WDR27: variants seen among roughly 807,000 people sequenced by gnomAD.
WDR27 encodes WD repeat-containing protein 27.
WDR27 carries 100 observed loss-of-function variants against 114.4 expected under a neutral mutation model. The ratio of observed to expected loss-of-function variants is 0.87; its 90% CI spans 0.74 to 1.03. The LOEUF is 1.03. Among genes scored for constraint, WDR27 ranks in the 50% least tolerant of loss-of-function variants. WDR27 has a pLI of 0.00. For synonymous variants in WDR27, 449 were observed against 423.1 expected, an observed-to-expected ratio of 1.06 and a Z score of -0.75; for missense variants, 1,129 against 1,092.9, an observed-to-expected ratio of 1.03 and a Z score of -0.47.
chr6:169,580,905 T>C (rs1803258135), intron 24 of WDR27, among the ~76,000 whole-genome samples: 1 of 146,576 alleles, frequency 6.8e-6, no homozygotes, highest in South Asian at 2.1e-4. Context: ...AATAAGGAAA[T>C]TTTTAAAAAT....
At chr6:169,434,999 G>GCACC in the WDR27 span, among the ~76,000 whole-genome samples, 1 of 152,222 alleles carries the variant, frequency 6.6e-6, no homozygotes, top group Non-Finnish European at 1.5e-5. Context: ...TGGGCCCAGG[G>GCACC]CACCCCTGCT....
At chr6:169,687,955 T>C (rs776059595) in intron 2 of WDR27, among the ~76,000 whole-genome samples, 2 of 151,952 alleles carry the variant, frequency 1.3e-5, no homozygotes, top group South Asian at 2.1e-4. Flanking sequence ...CCAAAAGACA[T>C]AGGAAAGAAT....
chr6:169,674,753 T>C (rs945963630), intron 2 of WDR27, among the ~76,000 whole-genome samples: 1 of 152,160 alleles, frequency 6.6e-6, no homozygotes, highest in Non-Finnish European at 1.5e-5. Flanking sequence ...TGCGCGTCCA[T>C]GTGAAGAGAC....
the WDR27 span, among the ~76,000 whole-genome samples, chr6:169,449,640 C>G: frequency 2.0e-4 from 31 of 152,322 alleles, no homozygotes; most frequent in East Asian, 5.8e-3. Flanking sequence ...TTTGGCCACC[C>G]TCTTAGTGTC....
chr6:169,606,535 C>A (rs998107244), intron 22 of WDR27, among the ~76,000 whole-genome samples: 1 of 152,202 alleles, frequency 6.6e-6, no homozygotes, highest in Non-Finnish European at 1.5e-5. Context: ...CATTGTTCAG[C>A]TCCCACTTAT....
At chr6:169,590,827 A>C (rs1805603221) in intron 23 of WDR27, among the ~76,000 whole-genome samples, 1 of 152,230 alleles carries the variant, frequency 6.6e-6, no homozygotes, top group African/African-American at 2.4e-5. Flanking sequence ...GTAACTTTTT[A>C]AGGCCTGGGA....
chr6:169,488,891 TTAATG>T (rs1345431571), intron 25 of WDR27, among the ~76,000 whole-genome samples: 1 of 151,922 alleles, frequency 6.6e-6, no homozygotes, highest in South Asian at 2.1e-4. Context: ...ATAGGTCACA[TTAATG>T]TAAACTCACT....
intron 2 of WDR27, among the ~76,000 whole-genome samples, chr6:169,685,413 C>CT (rs1562930429): frequency 6.6e-6 from 1 of 152,112 alleles, no homozygotes; most frequent in East Asian, 1.9e-4. Context: ...AGGAAACTCA[C>CT]TGAGATTCAA....
intron 25 of WDR27, among the ~76,000 whole-genome samples, chr6:169,570,074 TC>T (rs1801130646): frequency 6.6e-6 from 1 of 152,120 alleles, no homozygotes; most frequent in South Asian, 2.1e-4. Flanking sequence ...TGCCATTACC[TC>T]CTCATCTACC....
intron 25 of WDR27, among the ~76,000 whole-genome samples, chr6:169,562,983 G>A (rs1388393908): frequency 6.6e-6 from 1 of 152,116 alleles, no homozygotes; most frequent in Non-Finnish European, 1.5e-5. Context: ...CGCTGCCGGG[G>A]GAATGCCCGG....
At chr6:169,523,746 T>C (rs990110314) in intron 25 of WDR27, among the ~76,000 whole-genome samples, 2 of 152,076 alleles carry the variant, frequency 1.3e-5, no homozygotes, top group Non-Finnish European at 2.9e-5. Context: ...CATCCTTTTA[T>C]GATTAAAAAA....
At chr6:169,553,634 A>G (rs1169443229) in intron 25 of WDR27, among the ~76,000 whole-genome samples, 2 of 152,184 alleles carry the variant, frequency 1.3e-5, no homozygotes, top group Non-Finnish European at 2.9e-5. Flanking sequence ...ATATAAGGGA[A>G]TGATAACACC....
chr6:169,578,000 GTCTC>G lies in WDR27; in HGVS notation c.2523+4832_2523+4835del, dbSNP rs570137322. ...CAATTCACATAAAAAAATTCCATCCGTCTCTCTCTCTCCCCAACCATCTTCACCC... is the reference window on the plus strand; with the variant it reads ...CAATTCACATAAAAAAATTCCATCCGTCTCTCTCCCCAACCATCTTCACCC... On this transcript the variant is annotated intron_variant, in intron 24 of 25. Coordinates refer to ENST00000448612, the MANE Select transcript of WDR27 (RefSeq NM_182552.5). 3.1e-3 allele frequency among the ~76,000 whole-genome samples: 474 copies of G among 151,968 alleles called. 4 individuals are homozygous for G. The highest frequency in any genetic ancestry group is 0.014 in the Middle Eastern group (4 of 294).
At chr6:169,607,356 G>A (rs746781267) in intron 22 of WDR27, among the ~76,000 whole-genome samples, 1 of 151,320 alleles carries the variant, frequency 6.6e-6, no homozygotes, top group Non-Finnish European at 1.5e-5. Flanking sequence ...ATTAACAGGC[G>A]ACTGAATAAA....
chr6:169,464,636 C>A (rs1422704252), intron 25 of WDR27, among the ~76,000 whole-genome samples: 2 of 152,158 alleles, frequency 1.3e-5, no homozygotes, highest in African/African-American at 4.8e-5. Flanking sequence ...TGACAAGAAG[C>A]AAATTTGGTG....
intron 21 of WDR27, among the ~76,000 whole-genome samples, chr6:169,628,445 G>T (rs574246994): frequency 2.0e-5 from 3 of 152,176 alleles, no homozygotes; most frequent in Non-Finnish European, 2.9e-5. Context: ...GGAACACAGC[G>T]TGTCACAGGG....
At chr6:169,575,394 A>ATCCATCCATCCCTCCCTCTC (rs1802140086) in intron 24 of WDR27, among the ~76,000 whole-genome samples, 1 of 80,256 alleles carries the variant, frequency 1.2e-5, no homozygotes, top group East Asian at 2.7e-4. Context: ...CCCTCTCTCC[A>ATCCATCCATCCCTCCCTCTC]TCCATCCATC....
chr6:169,462,422 G>A (rs536958596), intron 25 of WDR27, among the ~76,000 whole-genome samples: 5 of 151,874 alleles, frequency 3.3e-5, no homozygotes, highest in Non-Finnish European at 7.4e-5. Context: ...GGGCAACAGA[G>A]AGAGACTGTC....
intron 25 of WDR27, among the ~76,000 whole-genome samples, chr6:169,552,731 T>G (rs1267203669): frequency 6.6e-6 from 1 of 152,196 alleles, no homozygotes; most frequent in Admixed American, 6.5e-5. Flanking sequence ...TGTTTAAACA[T>G]TGTTAGTGGA....
Sources: allele counts gnomAD v4.1 joint callset (sites outside exome capture counted in the v4.1 genomes callset), GRCh38; gene constraint gnomAD v4.1.1; transcripts MANE v1.5; gene names NCBI Gene and HGNC (gene_info 2026-07-23, HGNC 2026-07-21).